NCAPG2: variants seen among roughly 807,000 people sequenced by gnomAD.
NCAPG2 encodes non-SMC condensin II complex subunit G2, also known as condensin-2 complex subunit G2.
In NCAPG2, 53 loss-of-function variants were observed where a neutral mutation model predicts 141.1. The ratio of observed to expected loss-of-function variants is 0.38; its 90% CI spans 0.30 to 0.47. NCAPG2 has a LOEUF of 0.47. Ranked by LOEUF, NCAPG2 falls within the 20% of genes least tolerant of loss-of-function variation. NCAPG2 has a pLI of 0.99. For missense variants in NCAPG2, 1,087 were observed against 1,389.0 expected (o/e 0.78, Z 3.46); for synonymous variants, 499 against 490.7 (o/e 1.02, Z -0.22).
At chr7:158,664,902 T>G (rs1587168004) in intron 13 of NCAPG2, 152 bp from the exon 14 acceptor site, 1 of 647,452 alleles carries the variant, frequency 1.5e-6, no homozygotes, top group East Asian at 2.8e-5. Flanking sequence ...AATCTGTGAC[T>G]TTCTGTAGAG....
At chr7:158,688,163 C>T (rs1834887596) in intron 6 of NCAPG2, among the ~76,000 whole-genome samples, 2 of 119,950 alleles carry the variant, frequency 1.7e-5, no homozygotes, top group Admixed American at 2.0e-4. Context: ...TAACCATGCT[C>T]ACAACAGGCA....
intron 17 of NCAPG2, among the ~76,000 whole-genome samples, chr7:158,657,537 C>T (rs1236568584): frequency 1.3e-5 from 2 of 152,200 alleles, no homozygotes; most frequent in African/African-American, 4.8e-5. Flanking sequence ...GTGGGGGGGT[C>T]AGCCCCCCAC....
intron 27 of NCAPG2, among the ~76,000 whole-genome samples, chr7:158,634,314 A>G (rs1178450121): frequency 6.6e-6 from 1 of 152,118 alleles, no homozygotes; most frequent in Non-Finnish European, 1.5e-5. Context: ...TATGGTAATA[A>G]TTGTTATACT....
Position 158,635,258 on chromosome 7 carries a change from C to T in NCAPG2, c.3381-3541G>A, listed in dbSNP as rs145288455. On this transcript the variant is annotated intron_variant, in intron 27 of 27. Coordinates refer to ENST00000356309, the MANE Select transcript of NCAPG2 (RefSeq NM_017760.7). ...TATAAAAAGCATCCAGCCTCAAATT[C>T]GTTTAAAAAAAAAGACTGTTAAAAT... is the stretch of plus-strand genomic sequence containing the variant. Among the ~76,000 whole-genome samples the T allele has an allele frequency of 5.5e-3, 834 of 151,718 alleles. 5 individuals are homozygous for T. Among genetic ancestry groups the T allele is most frequent in the Non-Finnish European group, 9.6e-3 (650 of 67,914 alleles).
intron 6 of NCAPG2, among the ~76,000 whole-genome samples, chr7:158,689,607 C>A (rs1355082253): frequency 2.0e-5 from 3 of 152,174 alleles, no homozygotes; most frequent in Admixed American, 2.0e-4. Flanking sequence ...TAACACACAG[C>A]CACCTGTTAC....
At chr7:158,634,017 G>A (rs1830038374) in intron 27 of NCAPG2, among the ~76,000 whole-genome samples, 1 of 151,936 alleles carries the variant, frequency 6.6e-6, no homozygotes, top group South Asian at 2.1e-4. Flanking sequence ...CCAAAGTGAT[G>A]GAATTACAGA....
At chr7:158,662,003 G>T (rs561827734) in intron 16 of NCAPG2, among the ~76,000 whole-genome samples, 191 bp downstream of exon 16, 1 of 152,082 alleles carries the variant, frequency 6.6e-6, no homozygotes, top group Admixed American at 6.5e-5. Context: ...AGCAGACAGA[G>T]ACACAAGATC....
intron 17 of NCAPG2, among the ~76,000 whole-genome samples, chr7:158,658,042 G>C (rs371583050): frequency 8.0e-4 from 121 of 151,436 alleles, no homozygotes; most frequent in African/African-American, 2.8e-3. Flanking sequence ...CTCTGCCTAG[G>C]AAAACCAGAG....
At chr7:158,693,199 C>T in intron 3 of NCAPG2, 110 bp downstream of exon 3, 1 of 1,235,838 alleles carries the variant, frequency 8.1e-7, no homozygotes, top group Non-Finnish European at 1.1e-6. Flanking sequence ...AAATTCTTGA[C>T]TTCTAACTTC....
chr7:158,670,021 AC>A (rs1475291972), intron 13 of NCAPG2, among the ~76,000 whole-genome samples: 1 of 151,964 alleles, frequency 6.6e-6, no homozygotes, highest in Non-Finnish European at 1.5e-5. Context: ...TGGAGAATGC[AC>A]ACTGCAAGAC....
In NCAPG2 at chr7:158,671,609, G is replaced by A; in HGVS notation, c.1384C>T (p.Pro462Ser). The A allele has an allele frequency of 6.2e-7, 1 of 1,614,144 alleles. No individual in the cohort carries two copies. Among genetic ancestry groups the A allele is most frequent in the Non-Finnish European group, 8.5e-7 (1 of 1,180,012 alleles). The stretch of plus-strand genomic sequence containing the variant: ...TCGTGGAGACTGTATCTGAGAGCTG[G>A]AAGGAGCTGCTCTAACAATGGGTGG... Reference protein sequence around the residue: ...LSHPLLEQLLPALRYSLHDNS... With the variant: ...LSHPLLEQLLSALRYSLHDNS... The change falls in exon 13 of 28, where the codon CCA (proline) becomes TCA (serine). Residue 462 changes from proline (P) to serine (S), a missense_variant. Transcript: ENST00000356309.
At chr7:158,664,162 G>A (rs374166218) in intron 15 of NCAPG2, 22 bp downstream of exon 15, 224 of 1,547,298 alleles carry the variant, frequency 1.4e-4, no homozygotes, top group Admixed American at 5.5e-4. Flanking sequence ...CTATCTGCCC[G>A]GCCTGGCCCT....
At chr7:158,643,332 T>C (rs574375266) in intron 27 of NCAPG2, among the ~76,000 whole-genome samples, 38 of 152,028 alleles carry the variant, frequency 2.5e-4, no homozygotes, top group African/African-American at 9.2e-4. Flanking sequence ...CCGCCTGCCT[T>C]GGCCTCCCAA....
At chr7:158,704,309 G>A (rs1836018238) in intron 1 of NCAPG2, among the ~76,000 whole-genome samples, 1 of 142,920 alleles carries the variant, frequency 7.0e-6, no homozygotes, top group Non-Finnish European at 1.5e-5. Flanking sequence ...TAGTGCCCAT[G>A]CCCAGGACTG....
At position 158,668,282 on chromosome 7, in the gene NCAPG2, CCT is replaced by C. The variant is rs1563543034; in HGVS notation, c.1479+3230_1479+3231del. ...TGGGTCCCTCTGCCCTCCTTACCTA[CCT>C]TGTGTCCCTAGGCCCTCCCTTACCC... is the stretch of plus-strand genomic sequence containing the variant. On this transcript the variant is annotated intron_variant, in intron 13 of 27. Coordinates refer to ENST00000356309, the MANE Select transcript of NCAPG2 (RefSeq NM_017760.7). The C allele has an allele frequency of 2.1e-4, 183 of 890,414 alleles. 5 individuals carry two copies. Among genetic ancestry groups the C allele is most frequent in the Admixed American group, 1.3e-3 (16 of 12,422 alleles). The allele number at this position is 890,414 out of a possible 1,614,324, so 55.2% of individuals were successfully genotyped here. A position where few individuals can be genotyped will look rare whatever the true frequency, so the allele number is the denominator to read the frequency against.
chr7:158,664,802 C>G, intron 13 of NCAPG2, 52 bp from the exon 14 acceptor site: 8 of 1,455,476 alleles, frequency 5.5e-6, no homozygotes, highest in Non-Finnish European at 6.5e-6. Flanking sequence ...GCCTGTAACC[C>G]TGGAAACAGC....
At chr7:158,639,828 T>G in intron 27 of NCAPG2, 1 of 974,612 alleles carries the variant, frequency 1.0e-6, no homozygotes, top group African/African-American at 1.8e-5. Context: ...TAATCTTATT[T>G]CAAACCTAAT....
At chr7:158,646,437 G>A (rs755018815) in intron 25 of NCAPG2, 23 bp downstream of exon 25, 4 of 1,551,814 alleles carry the variant, frequency 2.6e-6, no homozygotes, top group Non-Finnish European at 3.5e-6. Context: ...AGCATTTCAG[G>A]ACAGTAAAGA....
Position 158,690,693 on chromosome 7 carries a change from G to A in NCAPG2, c.412C>T (p.Arg138Ter), listed in dbSNP as rs1331986042. 1.9e-6 allele frequency: 3 copies of A among 1,613,966 alleles called. No homozygotes were observed. The highest frequency in any genetic ancestry group is 2.2e-5 in the East Asian group (1 of 44,884). The change falls in exon 5 of 28, where the codon CGA becomes TGA. Residue 138 changes from arginine to a stop codon, truncating the protein, a stop_gained. Transcript: ENST00000356309. LOFTEE classifies it high-confidence loss of function. ...GILYALPESE[R>*]KLQSSIQDLC... ...TCCTGAATAGAACTCTGTAGTTTTC[G>A]TTCAGACTCAGGTAATGCATATAAA...
Sources: allele counts gnomAD v4.1 joint callset (sites outside exome capture counted in the v4.1 genomes callset), GRCh38; gene constraint gnomAD v4.1.1; transcripts MANE v1.5; gene names NCBI Gene and HGNC (gene_info 2026-07-23, HGNC 2026-07-21).